Variants in VAV2 observed in about 807,000 individuals in gnomAD.
VAV2 encodes the protein guanine nucleotide exchange factor VAV2.
Under a neutral mutation model 132.5 loss-of-function variants are expected in VAV2, and 67 were observed. The observed-to-expected ratio is 0.51, with a 90% confidence interval of 0.42 to 0.62. The LOEUF (loss-of-function observed/expected upper bound fraction) is 0.62, where lower values mean the gene tolerates loss of function less well. Among genes scored for constraint, VAV2 ranks in the 20% least tolerant of loss-of-function variants. The probability of loss-of-function intolerance (pLI) is 0.00; values close to 1 mark genes in which losing one functional copy is unlikely to be tolerated. For synonymous variants in VAV2, 492 were observed against 443.5 expected (o/e 1.11, Z -1.37); for missense variants, 938 against 1,153.6 (o/e 0.81, Z 2.71).
rs566204868 is a variant in VAV2, at chr9:133,776,271, G to C, written c.1966-191C>G. On this transcript the variant is annotated intron_variant, in intron 23 of 29. Coordinates refer to ENST00000371850, the MANE Select transcript of VAV2 (RefSeq NM_001134398.2). ...TCGTGGCCAGGACAACCTCATCTCT[G>C]AGTAGATGCCCCGTGGGTCTGATGG... is the stretch of plus-strand genomic sequence containing the variant. Among the ~76,000 whole-genome samples, 95 of 152,354 alleles carry C rather than the reference G, an allele frequency of 6.2e-4. 1 individual carries two copies. The highest frequency in any genetic ancestry group is 2.1e-3 in the African/African-American group (88 of 41,592).
chr9:133,952,512 A>G (rs1633763), intron 1 of VAV2, among the ~76,000 whole-genome samples: 58,270 of 151,674 alleles, frequency 0.38, 11,446 homozygotes, highest in Non-Finnish European at 0.42. Context: ...CTGAGGCAGG[A>G]GAATTACTTG....
chr9:133,803,391 C>G (rs1482137554), intron 9 of VAV2, among the ~76,000 whole-genome samples: 3 of 151,856 alleles, frequency 2.0e-5, no homozygotes, highest in Non-Finnish European at 4.4e-5. Flanking sequence ...CGTATGCCCC[C>G]ACTCCCCGCA....
chr9:133,890,926 T>A (rs1200651686), intron 2 of VAV2, among the ~76,000 whole-genome samples: 1 of 152,154 alleles, frequency 6.6e-6, no homozygotes, highest in Non-Finnish European at 1.5e-5. Context: ...CAGCCACCCA[T>A]CCCTGCAAAC....
At chr9:133,949,693 C>T (rs1765529310) in intron 1 of VAV2, among the ~76,000 whole-genome samples, 1 of 152,182 alleles carries the variant, frequency 6.6e-6, no homozygotes, top group South Asian at 2.1e-4. Context: ...AACAGGGCCC[C>T]GGAGGCATGG....
chr9:133,785,027 A>G (rs769720467), intron 17 of VAV2, among the ~76,000 whole-genome samples: 4 of 152,122 alleles, frequency 2.6e-5, no homozygotes, highest in Non-Finnish European at 4.4e-5. Context: ...GGCCGAAGAG[A>G]AGATGCCCCA....
rs1331128738 is a variant in VAV2, at chr9:133,919,891, T to C, written c.321+19212A>G. On this transcript the variant is annotated intron_variant, in intron 2 of 29. Coordinates refer to ENST00000371850, the MANE Select transcript of VAV2 (RefSeq NM_001134398.2). This position sits in a 1 kb window ranked among gnomAD's most constrained non-coding sequence, Gnocchi z 5.8. ...TGTCCTCCGCGGAGCCCAGAGTCAG[T>C]TCTGCTGGACATACAGCGGCGGACC... is the stretch of plus-strand genomic sequence containing the variant. 6.6e-6 allele frequency among the ~76,000 whole-genome samples: 1 copy of C among 151,960 alleles called. No homozygotes were observed. The highest frequency in any genetic ancestry group is 2.4e-5 in the African/African-American group (1 of 41,366).
chr9:133,851,236 T>C (rs1588267735), intron 3 of VAV2, among the ~76,000 whole-genome samples: 1 of 152,342 alleles, frequency 6.6e-6, no homozygotes, highest in Non-Finnish European at 1.5e-5. Flanking sequence ...CTTTAACCCT[T>C]GCAGCCTTCC....
chr9:133,900,597 C>T (rs538957185), intron 2 of VAV2, among the ~76,000 whole-genome samples: 70 of 150,642 alleles, frequency 4.6e-4, no homozygotes, highest in Non-Finnish European at 9.5e-4. Flanking sequence ...GGGCGCGGCT[C>T]AGAGAGGCCA....
chr9:133,868,998 C>CTTTT (rs112644029), intron 2 of VAV2, among the ~76,000 whole-genome samples: 8 of 142,360 alleles, frequency 5.6e-5, no homozygotes, highest in African/African-American at 2.1e-4. Context: ...TCTATTTATT[C>CTTTT]TTTTTTTTTT....
At chr9:133,786,136 C>T (rs1159197526) in intron 16 of VAV2, among the ~76,000 whole-genome samples, 4 of 152,250 alleles carry the variant, frequency 2.6e-5, no homozygotes, top group Non-Finnish European at 4.4e-5. Context: ...AATACATATG[C>T]GCTTGTGCCT....
chr9:133,901,090 G>GGCA (rs1839423876), intron 2 of VAV2, among the ~76,000 whole-genome samples: 1 of 151,526 alleles, frequency 6.6e-6, no homozygotes, highest in Non-Finnish European at 1.5e-5. Context: ...ATGAGCCACC[G>GGCA]TGCCCAGCCT....
chr9:133,774,851 G>T, intron 25 of VAV2, 84 bp downstream of exon 25: 3 of 1,240,546 alleles, frequency 2.4e-6, no homozygotes, highest in Non-Finnish European at 3.4e-6. Flanking sequence ...AACCCCACGA[G>T]CTCAGGACGT....
rs562983962 is a variant in VAV2, at chr9:133,810,976, C to T, written c.553-771G>A. ...TCATTCCCAAGTCCAGACGGCTCGC[C>T]GGCCGCCTCGGGACCTCTCAGGCCA... On this transcript the variant is annotated intron_variant, in intron 5 of 29. Transcript: ENST00000371850. Among the ~76,000 whole-genome samples, 10 of 152,340 alleles carry T rather than the reference C, an allele frequency of 6.6e-5. No individual in the cohort carries two copies. The South Asian group carries it at 1.9e-3, about 28-fold the overall frequency.
intron 1 of VAV2, among the ~76,000 whole-genome samples, chr9:133,968,702 C>T (rs954852030): frequency 3.9e-5 from 6 of 152,212 alleles, no homozygotes; most frequent in Non-Finnish European, 7.3e-5. Context: ...GAGCCACCAT[C>T]GGCCTCTGCC....
At chr9:133,778,331 C>G (rs2131586470) in intron 22 of VAV2, among the ~76,000 whole-genome samples, 1 of 152,268 alleles carries the variant, frequency 6.6e-6, no homozygotes, top group East Asian at 1.9e-4. Flanking sequence ...CCCGCTCACC[C>G]CACGATCATG....
intron 1 of VAV2, among the ~76,000 whole-genome samples, chr9:133,978,095 C>T (rs943672022): frequency 4.6e-5 from 7 of 152,372 alleles, no homozygotes; most frequent in Middle Eastern, 3.4e-3. Context: ...ACATTCAAGA[C>T]CAGGAGCGGG....
At chr9:133,952,356 C>G (rs1387270311) in intron 1 of VAV2, among the ~76,000 whole-genome samples, 1 of 152,114 alleles carries the variant, frequency 6.6e-6, no homozygotes, top group Non-Finnish European at 1.5e-5. Context: ...ATAGTCCCAG[C>G]ACTTTGGGAG....
At chr9:133,939,065 C>A (rs182938440) in intron 2 of VAV2, 38 bp downstream of exon 2, 4 of 1,597,184 alleles carry the variant, frequency 2.5e-6, no homozygotes, top group Non-Finnish European at 3.4e-6. Flanking sequence ...TCGGCCACCA[C>A]AGCTGAGCGA....
Position 133,991,986 on chromosome 9 carries a change from C to A in VAV2, c.204+89G>T. ...GCCGCCCCAGCCAGGGCGCCTGGGCCGCCGCCGCTGCGACCTCCGCGTTCA... is the reference window on the plus strand; with the variant it reads ...GCCGCCCCAGCCAGGGCGCCTGGGCAGCCGCCGCTGCGACCTCCGCGTTCA... On this transcript the variant is annotated intron_variant, in intron 1 of 29. Transcript: ENST00000371850. The surrounding 1 kb of genome is among the most constrained non-coding windows in gnomAD (Gnocchi z 4.8). The A allele has an allele frequency of 8.8e-7, 1 of 1,142,158 alleles. No homozygotes were observed. The highest frequency in any genetic ancestry group is 1.1e-6 in the Non-Finnish European group (1 of 912,122). 70.8% of individuals were successfully genotyped at this position (1,142,158 alleles called of 1,614,324 possible). A position where few individuals can be genotyped will look rare whatever the true frequency, so the allele number is the denominator to read the frequency against.
Sources: allele counts gnomAD v4.1 joint callset (sites outside exome capture counted in the v4.1 genomes callset), GRCh38; gene constraint gnomAD v4.1.1; non-coding constraint Gnocchi (gnomAD v3.1); transcripts MANE v1.5; gene names NCBI Gene and HGNC (gene_info 2026-07-23, HGNC 2026-07-21).